HEATR5A: variants seen among roughly 807,000 people sequenced by gnomAD.
The protein encoded by HEATR5A is HEAT repeat containing 5A.
Under a neutral mutation model 218.8 loss-of-function variants are expected in HEATR5A, and 178 were observed. The observed-to-expected ratio is 0.81, with a 90% CI of 0.72 to 0.92. The LOEUF (loss-of-function observed/expected upper bound fraction) is 0.92, where lower values mean the gene tolerates loss of function less well. Ranked by LOEUF, HEATR5A falls within the 40% of genes least tolerant of loss-of-function variation. The pLI, the probability that HEATR5A is intolerant of heterozygous loss-of-function variation, is 0.00. For missense variants in HEATR5A, 2,420 were observed against 2,418.9 expected (o/e 1.00, Z -0.01); for synonymous variants, 864 against 871.6 (o/e 0.99, Z 0.15).
At chr14:31,366,615 T>C (rs1224338020) in intron 13 of HEATR5A, among the ~76,000 whole-genome samples, 1 of 152,230 alleles carries the variant, frequency 6.6e-6, no homozygotes. Flanking sequence ...TTCCTGCTAC[T>C]TACTTAGGTA....
intron 31 of HEATR5A, among the ~76,000 whole-genome samples, 152 bp downstream of exon 31, chr14:31,306,580 G>A (rs1294190250): frequency 1.3e-5 from 2 of 152,194 alleles, no homozygotes; most frequent in East Asian, 3.8e-4. Context: ...CTCTCAATGT[G>A]TAGAGCACAA....
intron 12 of HEATR5A, among the ~76,000 whole-genome samples, chr14:31,373,523 G>T (rs1012096941): frequency 6.6e-6 from 1 of 151,524 alleles, no homozygotes; most frequent in African/African-American, 2.4e-5. Context: ...TAGAGATGGG[G>T]TTTCACCATG....
intron 16 of HEATR5A, 117 bp downstream of exon 16, chr14:31,358,519 TA>T: frequency 1.1e-6 from 1 of 914,466 alleles, no homozygotes; most frequent in Non-Finnish European, 1.6e-6. Flanking sequence ...CAAAAACTTA[TA>T]TTTCACCTTC....
intron 13 of HEATR5A, among the ~76,000 whole-genome samples, chr14:31,366,407 A>G (rs764294812): frequency 5.3e-5 from 8 of 152,248 alleles, no homozygotes; most frequent in Non-Finnish European, 1.0e-4. Context: ...TCTTTCAATC[A>G]TATTCACAAG....
At chr14:31,299,807 C>T (rs1450052417) in intron 33 of HEATR5A, among the ~76,000 whole-genome samples, 2 of 149,662 alleles carry the variant, frequency 1.3e-5, no homozygotes, top group Admixed American at 1.3e-4. Flanking sequence ...CTGAGGCAGG[C>T]GGATCACGAG....
chr14:31,321,434 G>T, intron 25 of HEATR5A, 65 bp downstream of exon 25: 1 of 1,307,724 alleles, frequency 7.6e-7, no homozygotes, highest in Non-Finnish European at 1.0e-6. Flanking sequence ...GAGCCACCAT[G>T]CCTGGCCTCA....
chr14:31,324,793 A>G (rs1207576701), intron 23 of HEATR5A, among the ~76,000 whole-genome samples: 1 of 151,800 alleles, frequency 6.6e-6, no homozygotes, highest in Non-Finnish European at 1.5e-5. Context: ...AAGTCCTTGC[A>G]ATTTCTTGAG....
chr14:31,323,473 A>T lies in HEATR5A; in HGVS notation c.3787+92T>A. 6 of 1,054,826 alleles carry T rather than the reference A, an allele frequency of 5.7e-6. No homozygotes were observed. In the South Asian group the frequency reaches 8.5e-5, roughly 15 times the overall value. 65.3% of individuals were successfully genotyped at this position (1,054,826 alleles called of 1,614,324 possible). On this transcript the variant is annotated intron_variant, in intron 24 of 35. Transcript: ENST00000543095. Reference sequence around the variant, plus strand: ...CACTGTGTCTGGCTAGTTTCATTTTAAAAAAATATTTTAATATTTTAAATA... The same window carrying T: ...CACTGTGTCTGGCTAGTTTCATTTTTAAAAAATATTTTAATATTTTAAATA...
At chr14:31,400,984 C>T (rs1056648052) in intron 2 of HEATR5A, among the ~76,000 whole-genome samples, 4 of 151,874 alleles carry the variant, frequency 2.6e-5, no homozygotes, top group Non-Finnish European at 4.4e-5. Flanking sequence ...GGACTACAGG[C>T]GCCCGCCACC....
rs777291586 is a variant in HEATR5A at position 31,387,228 on chromosome 14, C to A, written c.1081G>T (p.Val361Phe). The change falls in exon 8 of 36, where the codon GTT becomes TTT. Residue 361 changes from valine (V) to phenylalanine (F), a missense_variant. Physicochemically the swap from Val to Phe is conservative, Grantham distance 50 (BLOSUM62 -1). Transcript: ENST00000543095. ...ATAGTAGTTCGAAGAATAAATGAAACACAACGGCGACAGCAGACGGCATCG... is the reference window on the plus strand; with the variant it reads ...ATAGTAGTTCGAAGAATAAATGAAAAACAACGGCGACAGCAGACGGCATCG... ...QIDAVCCRRCVSFILRTTIGG... is the reference protein window; with the variant it reads ...QIDAVCCRRCFSFILRTTIGG... The A allele has an allele frequency of 6.2e-6, 10 of 1,613,922 alleles. No individual in the cohort carries two copies. The South Asian group carries it at 1.1e-4, about 18-fold the overall frequency.
intron 34 of HEATR5A, 79 bp downstream of exon 34, chr14:31,295,830 C>T: frequency 4.3e-6 from 5 of 1,171,660 alleles, no homozygotes; most frequent in Non-Finnish European, 6.2e-6. Flanking sequence ...CTATTGGAGC[C>T]AACAAAATCA....
At chr14:31,380,318 T>C (rs4981841) in intron 11 of HEATR5A, 149 bp downstream of exon 11, 10 of 560,468 alleles carry the variant, frequency 1.8e-5, no homozygotes, top group Admixed American at 3.2e-5. Context: ...AAAGGCTTTT[T>C]AAGGTGACTA....
At chr14:31,293,837 A>C (rs1899093153) in intron 35 of HEATR5A, 54 bp downstream of exon 35, 2 of 1,399,238 alleles carry the variant, frequency 1.4e-6, no homozygotes, top group Admixed American at 2.0e-5. Flanking sequence ...TTTAAATAAC[A>C]GTAAAATTCT....
At chr14:31,336,127 T>A (rs1412005785) in intron 22 of HEATR5A, among the ~76,000 whole-genome samples, 1 of 149,634 alleles carries the variant, frequency 6.7e-6, no homozygotes, top group Non-Finnish European at 1.5e-5. Context: ...TACAGATGTG[T>A]ACCATGACAC....
At position 31,293,188 on chromosome 14, in the gene HEATR5A, A is replaced by T; in HGVS notation, c.*117T>A. On this transcript the variant is annotated 3_prime_UTR_variant, in exon 36 of 36. Transcript: ENST00000543095. ...TACTTTGAAGAGTCACAGCTATTTAAGGTAAAACAATCAACTAGACCTCTA... is the reference window on the plus strand; with the variant it reads ...TACTTTGAAGAGTCACAGCTATTTATGGTAAAACAATCAACTAGACCTCTA... 1.4e-6 allele frequency: 1 copy of T among 711,418 alleles called. No individual in the cohort carries two copies. Among genetic ancestry groups the T allele is most frequent in the Non-Finnish European group, 2.3e-6 (1 of 433,784 alleles). 44.1% of individuals were successfully genotyped at this position (711,418 alleles called of 1,614,324 possible).
At position 31,349,845 on chromosome 14, in the gene HEATR5A, G is replaced by C. The variant is rs1353875890; in HGVS notation, c.2652C>G (p.Ala884=). 8 of 1,612,868 alleles carry C rather than the reference G, an allele frequency of 5.0e-6. No individual in the cohort carries two copies. The highest frequency in any genetic ancestry group is 6.8e-6 in the Non-Finnish European group (8 of 1,179,208). The part of the protein sequence containing the change: ...CAAAESWARL[A]QVVDDGAFTA... The stretch of plus-strand genomic sequence containing the variant: ...TAAAAGCTCCATCATCTACCACTTG[G>C]GCTAATCTAGCCCATGACTCTGCAG... Residue 884 remains alanine (A), a synonymous_variant, in exon 18 of 36, where the codon GCC becomes GCG. Transcript: ENST00000543095.
chr14:31,360,879 A>G (rs1001836206), intron 14 of HEATR5A, among the ~76,000 whole-genome samples: 9 of 152,054 alleles, frequency 5.9e-5, no homozygotes, highest in Non-Finnish European at 1.0e-4. Context: ...AATATTGTCC[A>G]GGCTAATCTC....
intron 25 of HEATR5A, chr14:31,320,623 G>A (rs1035831937): frequency 2.0e-5 from 14 of 694,608 alleles, no homozygotes; most frequent in Admixed American, 7.5e-5. Flanking sequence ...GTAATACCCC[G>A]GTGGTCTGCA....
intron 25 of HEATR5A, among the ~76,000 whole-genome samples, chr14:31,321,234 C>T (rs1218116801): frequency 6.6e-6 from 1 of 152,034 alleles, no homozygotes; most frequent in Non-Finnish European, 1.5e-5. Flanking sequence ...TCTCGGCTCA[C>T]TGCAACCTCC....
Sources: allele counts gnomAD v4.1 joint callset (sites outside exome capture counted in the v4.1 genomes callset), GRCh38; gene constraint gnomAD v4.1.1; transcripts MANE v1.5; gene names NCBI Gene and HGNC (gene_info 2026-07-23, HGNC 2026-07-21).